Variants in MCM9 observed in about 807,000 individuals in gnomAD.
MCM9 encodes minichromosome maintenance 9 homologous recombination repair factor.
MCM9 carries 55 observed loss-of-function variants against 72.8 expected under a neutral mutation model. That is an observed-to-expected ratio of 0.76 (90% CI 0.61 to 0.95). MCM9 has a LOEUF of 0.95. Among genes scored for constraint, MCM9 ranks in the 40% least tolerant of loss-of-function variants. The pLI, the probability that MCM9 is intolerant of heterozygous loss-of-function variation, is 0.00. For synonymous variants in MCM9, 480 were observed against 503.4 expected (o/e 0.95, Z 0.62); for missense variants, 1,279 against 1,377.0 (o/e 0.93, Z 1.13).
chr6:118,932,212 T>C (rs951504327), intron 2 of MCM9, among the ~76,000 whole-genome samples: 2 of 152,216 alleles, frequency 1.3e-5, no homozygotes, highest in Non-Finnish European at 2.9e-5. Flanking sequence ...TACAGGTTTA[T>C]AGCCTAAGAG....
chr6:118,890,854 G>A (rs1778897585), intron 8 of MCM9, among the ~76,000 whole-genome samples: 1 of 152,072 alleles, frequency 6.6e-6, no homozygotes, highest in South Asian at 2.1e-4. Flanking sequence ...ATTTTTTTAA[G>A]TTGGTAATAA....
At chr6:118,869,175 C>A (rs1777418351) in intron 8 of MCM9, among the ~76,000 whole-genome samples, 1 of 152,122 alleles carries the variant, frequency 6.6e-6, no homozygotes, top group Non-Finnish European at 1.5e-5. Flanking sequence ...AAACCAAACA[C>A]CACATGTTCT....
chr6:118,928,018 T>G (rs1405977049), intron 3 of MCM9, among the ~76,000 whole-genome samples: 1 of 152,242 alleles, frequency 6.6e-6, no homozygotes, highest in Non-Finnish European at 1.5e-5. Flanking sequence ...TCAAGACTTC[T>G]GCGCACTTTT....
chr6:118,876,555 A>G (rs370456205), intron 8 of MCM9, among the ~76,000 whole-genome samples: 10 of 152,236 alleles, frequency 6.6e-5, no homozygotes, highest in Non-Finnish European at 1.3e-4. Context: ...AACAAATTTT[A>G]TTAATTAATA....
At chr6:118,885,995 G>A (rs1778573399) in intron 8 of MCM9, among the ~76,000 whole-genome samples, 1 of 151,614 alleles carries the variant, frequency 6.6e-6, no homozygotes, top group South Asian at 2.1e-4. Flanking sequence ...AGGAATGCAA[G>A]GTTCATTTAA....
intron 8 of MCM9, among the ~76,000 whole-genome samples, chr6:118,887,162 T>A (rs1035063236): frequency 6.6e-6 from 1 of 151,918 alleles, no homozygotes; most frequent in Admixed American, 6.6e-5. Flanking sequence ...ATATGAAAAT[T>A]CAAGGGATGC....
In MCM9 at chr6:118,827,938, C is replaced by T. The variant is rs1774273038; in HGVS notation, c.1721G>A (p.Arg574Gln). Residue 574 changes from arginine to glutamine, a missense_variant, in exon 11 of 14, where the codon CGA (arginine) becomes CAA (glutamine). Physicochemically the swap from Arg to Gln is conservative, Grantham distance 43 (BLOSUM62 1). Coordinates refer to ENST00000619706, the MANE Select transcript of MCM9 (RefSeq NM_017696.3). ...TGAATGAAATAGACCTTCTGCTAAT[C>T]GTATCAAGCTTTCCAACAGCCGAAT... ...TTIRLLESLI[R>Q]LAEAHARLMF... The T allele has an allele frequency of 1.3e-5, 20 of 1,550,902 alleles. No homozygotes were observed. Among genetic ancestry groups the T allele is most frequent in the Non-Finnish European group, 1.7e-5 (20 of 1,147,052 alleles).
chr6:118,914,028 G>A (rs1177869668), intron 6 of MCM9, among the ~76,000 whole-genome samples: 1 of 152,132 alleles, frequency 6.6e-6, no homozygotes, highest in African/African-American at 2.4e-5. Context: ...AAATACAGAG[G>A]TAGCTGGAGC....
intron 3 of MCM9, among the ~76,000 whole-genome samples, chr6:118,927,116 C>G (rs1781961992): frequency 6.6e-6 from 1 of 152,176 alleles, no homozygotes; most frequent in African/African-American, 2.4e-5. Context: ...CCTCCCATTT[C>G]TAGTCCCCTC....
At chr6:118,921,177 A>C (rs1781395073) in intron 5 of MCM9, 1 of 152,224 alleles carries the variant, frequency 6.6e-6, no homozygotes, top group Non-Finnish European at 1.5e-5. Flanking sequence ...AATCCCTAAC[A>C]ATGTACTGTA....
intron 9 of MCM9, among the ~76,000 whole-genome samples, chr6:118,848,493 G>C (rs1319191376): frequency 1.3e-5 from 2 of 151,810 alleles, no homozygotes; most frequent in Admixed American, 1.3e-4. Flanking sequence ...GGCTTCTCTT[G>C]TTTACATCAC....
At chr6:118,881,714 T>C (rs1159811477) in intron 8 of MCM9, among the ~76,000 whole-genome samples, 1 of 152,214 alleles carries the variant, frequency 6.6e-6, no homozygotes, top group Non-Finnish European at 1.5e-5. Flanking sequence ...GAAGCAAGTA[T>C]AACTGGTGAA....
At chr6:118,831,362 G>T (rs1431511920) in intron 9 of MCM9, among the ~76,000 whole-genome samples, 8 of 139,412 alleles carry the variant, frequency 5.7e-5, no homozygotes, top group Admixed American at 5.1e-4. Flanking sequence ...AAAAAAAAAA[G>T]TTGGGGGTGG....
intron 1 of MCM9, among the ~76,000 whole-genome samples, chr6:118,934,632 G>A (rs1021706818): frequency 3.4e-4 from 52 of 152,184 alleles, no homozygotes; most frequent in African/African-American, 1.2e-3. Flanking sequence ...GGCTGCCCCA[G>A]GGGCGCCTGG....
At position 118,921,900 on chromosome 6, in the gene MCM9, C is replaced by G. The variant is rs1483474040; in HGVS notation, c.703+105G>C. 12 of 823,478 alleles carry G rather than the reference C, an allele frequency of 1.5e-5. No homozygotes were observed. In the Admixed American group the frequency reaches 2.9e-4, roughly 20 times the overall value. The allele number at this position is 823,478 out of a possible 1,614,324, so 51.0% of individuals were successfully genotyped here. The stretch of plus-strand genomic sequence containing the variant: ...AATCTCAAGGTGAGCAATTACAGCT[C>G]TACATTTCCCTTGCCAGTGATCTTG... On this transcript the variant is annotated intron_variant, in intron 5 of 13. Coordinates refer to ENST00000619706, the MANE Select transcript of MCM9 (RefSeq NM_017696.3).
At position 118,931,595 on chromosome 6, in the gene MCM9, A is replaced by T. The variant is rs1782434165; in HGVS notation, c.129T>A (p.Asn43Lys). The T allele has an allele frequency of 6.2e-7, 1 of 1,614,100 alleles. No individual in the cohort carries two copies. Among genetic ancestry groups the T allele is most frequent in the South Asian group, 1.1e-5 (1 of 91,084 alleles). ...DEDAHYPVVV[N>K]AMTLFETNME... is the part of the protein sequence containing the mutation. ...TGTTGGTCTCAAACAGAGTCATGGC[A>T]TTAACCACAACTGGGTAATGAGCAT... Residue 43 changes from asparagine (N) to lysine (K), a missense_variant, in exon 3 of 14, where the codon AAT becomes AAA. Asn to Lys is a moderately conservative substitution (Grantham distance 94). Transcript: ENST00000619706.
intron 8 of MCM9, among the ~76,000 whole-genome samples, chr6:118,884,869 A>G (rs1778502177): frequency 6.6e-6 from 1 of 152,214 alleles, no homozygotes; most frequent in Non-Finnish European, 1.5e-5. Context: ...TAAGGATAAT[A>G]AAACTAGGCA....
chr6:118,917,831 G>T, intron 5 of MCM9, 70 bp from the exon 6 acceptor site: 2 of 1,353,686 alleles, frequency 1.5e-6, no homozygotes, highest in Admixed American at 1.8e-5. Flanking sequence ...AAATGACAAA[G>T]GACCAGAAAT....
chr6:118,859,414 A>G (rs1776768588), intron 8 of MCM9, among the ~76,000 whole-genome samples: 1 of 152,224 alleles, frequency 6.6e-6, no homozygotes, highest in Non-Finnish European at 1.5e-5. Context: ...TAAAAAGCTA[A>G]ACAAAAAAAT....
Sources: allele counts gnomAD v4.1 joint callset (sites outside exome capture counted in the v4.1 genomes callset), GRCh38; gene constraint gnomAD v4.1.1; transcripts MANE v1.5; gene names NCBI Gene and HGNC (gene_info 2026-07-23, HGNC 2026-07-21).